The following TGFBI variants were observed in gnomAD, a reference collection of about 807,000 sequenced individuals.
The protein encoded by TGFBI is transforming growth factor-beta-induced protein ig-h3.
A neutral mutation model predicts 73.7 loss-of-function variants in TGFBI; 50 were observed. The ratio of observed to expected loss-of-function variants is 0.68; its 90% confidence interval spans 0.54 to 0.86. TGFBI has a LOEUF of 0.86. Among genes scored for constraint, TGFBI ranks in the 40% least tolerant of loss-of-function variants. The pLI is 0.00. For missense variants in TGFBI, 839 were observed against 877.0 expected (o/e 0.96, Z 0.55); for synonymous variants, 362 against 360.5 (o/e 1.00, Z -0.05).
At chr5:136,055,002 T>C in intron 10 of TGFBI, 141 bp downstream of exon 10, 2 of 1,030,954 alleles carry the variant, frequency 1.9e-6, no homozygotes, top group East Asian at 4.8e-5. Flanking sequence ...TTCTGGAAAA[T>C]ATAGATAACA....
chr5:136,054,677 G>A lies in TGFBI; in HGVS notation c.1265-39G>A, dbSNP rs144900214. The stretch of plus-strand genomic sequence containing the variant: ...TCTCATCACTCTCTTCATTGCAGGA[G>A]CACATCTCTCTGGACCTAACCATCA... On this transcript the variant is annotated intron_variant, in intron 9 of 16. Coordinates refer to ENST00000442011, the MANE Select transcript of TGFBI (RefSeq NM_000358.3). The A allele has an allele frequency of 6.6e-3, 10,628 of 1,613,280 alleles. 40 individuals are homozygous for A. The highest frequency in any genetic ancestry group is 7.8e-3 in the Non-Finnish European group (9,177 of 1,179,274).
At chr5:136,036,231 A>T (rs1397069764) in intron 2 of TGFBI, among the ~76,000 whole-genome samples, 1 of 152,134 alleles carries the variant, frequency 6.6e-6, no homozygotes, top group Non-Finnish European at 1.5e-5. Context: ...TGAGGTGGGG[A>T]GATGGGGTTC....
intron 2 of TGFBI, among the ~76,000 whole-genome samples, chr5:136,041,802 A>C (rs1257356715): frequency 6.6e-6 from 1 of 152,214 alleles, no homozygotes; most frequent in Non-Finnish European, 1.5e-5. Context: ...CCAATGAGTT[A>C]ATATTTGAGG....
At chr5:136,052,789 T>A in intron 7 of TGFBI, 118 bp from the exon 8 acceptor site, 1 of 1,000,936 alleles carries the variant, frequency 1.0e-6, no homozygotes, top group Non-Finnish European at 1.5e-6. Flanking sequence ...TGCCCCAGCC[T>A]CATCTGAGGG....
intron 16 of TGFBI, among the ~76,000 whole-genome samples, 169 bp from the exon 17 acceptor site, chr5:136,063,017 C>T (rs940751382): frequency 3.3e-5 from 5 of 152,152 alleles, no homozygotes; most frequent in South Asian, 2.1e-4. Context: ...ACCAGAACAT[C>T]GGGCCTTGAG....
chr5:136,041,973 C>T (rs78079489), intron 2 of TGFBI, among the ~76,000 whole-genome samples: 1,771 of 152,294 alleles, frequency 0.012, 30 homozygotes, highest in African/African-American at 0.04. Flanking sequence ...GTACTGCACC[C>T]GTGTGCACAG....
rs1018425770 is a variant in TGFBI at position 136,056,601 on chromosome 5, C to T, written c.1548-64C>T. ...GGTATTTAAGGAAAATACCTCTCAGCGTGGTGAGGTATTTAAGGAAAATAC... is the reference window on the plus strand; with the variant it reads ...GGTATTTAAGGAAAATACCTCTCAGTGTGGTGAGGTATTTAAGGAAAATAC... On this transcript the variant is annotated intron_variant, in intron 11 of 16. Transcript: ENST00000442011. 14 of 1,604,478 alleles carry T rather than the reference C, an allele frequency of 8.7e-6. No individual in the cohort carries two copies. In the East Asian group the frequency reaches 1.6e-4, roughly 18 times the overall value.
rs556797846 is a variant in TGFBI, at chr5:136,049,561, C to A, written c.894C>A (p.Gly298=). ...GTGAGACTTTGAACCGTATCCTGGG[C>A]GACCCAGAAGCCCTGAGAGGTGAGC... is the stretch of plus-strand genomic sequence containing the variant. ...IPSETLNRIL[G]DPEALRDLLN... is the part of the protein sequence containing the mutation. The change falls in exon 7 of 17, where the codon GGC becomes GGA. Residue 298 remains glycine (G), a synonymous_variant. Transcript: ENST00000442011. The A allele has an allele frequency of 1.2e-6, 2 of 1,613,672 alleles. No homozygotes were observed. Among genetic ancestry groups the A allele is most frequent in the Non-Finnish European group, 8.5e-7 (1 of 1,179,800 alleles).
intron 14 of TGFBI, 126 bp downstream of exon 14, chr5:136,061,062 C>G (rs1314701995): frequency 4.2e-6 from 3 of 717,058 alleles, no homozygotes; most frequent in Non-Finnish European, 6.7e-6. Flanking sequence ...TAAACTGTGC[C>G]TATGTGACTG....
intron 7 of TGFBI, among the ~76,000 whole-genome samples, chr5:136,052,073 G>C (rs868141652): frequency 2.6e-5 from 4 of 152,230 alleles, no homozygotes; most frequent in South Asian, 2.1e-4. Context: ...CTGGGGTTGG[G>C]GGGGGCTCCT....
At chr5:136,050,349 AAAC>A (rs1193074129) in intron 7 of TGFBI, among the ~76,000 whole-genome samples, 23 of 152,134 alleles carry the variant, frequency 1.5e-4, no homozygotes, top group African/African-American at 5.5e-4. Context: ...AAAAAAAAAA[AAAC>A]AGTTATAGTA....
intron 4 of TGFBI, 62 bp downstream of exon 4, chr5:136,046,557 G>C (rs1158268105): frequency 6.6e-7 from 1 of 1,509,540 alleles, no homozygotes; most frequent in Non-Finnish European, 8.9e-7. Flanking sequence ...TCCCCGAGGG[G>C]TGGGCATGAT....
chr5:136,054,890 TG>T, intron 10 of TGFBI, 29 bp downstream of exon 10: 1 of 1,608,676 alleles, frequency 6.2e-7, no homozygotes, highest in Admixed American at 1.7e-5. Flanking sequence ...ATCATGCTCC[TG>T]GGAAGCTCCT....
chr5:136,044,510 C>T (rs116316372), intron 3 of TGFBI, among the ~76,000 whole-genome samples: 7 of 152,334 alleles, frequency 4.6e-5, no homozygotes, highest in East Asian at 3.9e-4. Flanking sequence ...GCTAGAGAGC[C>T]GATGGGATGT....
Position 136,049,507 on chromosome 5 carries a change from G to C in TGFBI, c.840G>C (p.Pro280=). Residue 280 remains proline (P), a synonymous_variant, in exon 7 of 17, where the codon CCG becomes CCC. Transcript: ENST00000442011. The part of the protein sequence containing the change: ...EGNGQYTLLA[P]TNEAFEKIPS... ...ACGGCCAGTACACGCTTTTGGCCCCGACCAATGAGGCCTTCGAGAAGATCC... is the reference window on the plus strand; with the variant it reads ...ACGGCCAGTACACGCTTTTGGCCCCCACCAATGAGGCCTTCGAGAAGATCC... 6.2e-7 allele frequency: 1 copy of C among 1,613,948 alleles called. No homozygotes were observed. Among genetic ancestry groups the C allele is most frequent in the Non-Finnish European group, 8.5e-7 (1 of 1,179,878 alleles).
intron 3 of TGFBI, 78 bp from the exon 4 acceptor site, chr5:136,046,257 C>A: frequency 6.4e-7 from 1 of 1,553,794 alleles, no homozygotes. Flanking sequence ...ATGTACCGTG[C>A]TCTCTGTCAG....
At chr5:136,055,597 C>A (rs966516238) in intron 10 of TGFBI, 83 bp from the exon 11 acceptor site, 80 of 1,312,598 alleles carry the variant, frequency 6.1e-5, no homozygotes, top group Non-Finnish European at 7.9e-5. Context: ...GGATAATGAC[C>A]CTGCTACATG....
chr5:136,062,794 G>A, intron 16 of TGFBI, 107 bp downstream of exon 16: 4 of 1,258,094 alleles, frequency 3.2e-6, no homozygotes, highest in Non-Finnish European at 4.5e-6. Flanking sequence ...TCATGGTGCA[G>A]TAAAAGAAGC....
At chr5:136,059,361 A>G in intron 13 of TGFBI, 147 bp downstream of exon 13, 1 of 1,230,630 alleles carries the variant, frequency 8.1e-7, no homozygotes, top group Non-Finnish European at 1.1e-6. Flanking sequence ...GAAAAAGAGA[A>G]AAGAGAAGAG....
Sources: allele counts gnomAD v4.1 joint callset (sites outside exome capture counted in the v4.1 genomes callset), GRCh38; gene constraint gnomAD v4.1.1; transcripts MANE v1.5; gene names NCBI Gene and HGNC (gene_info 2026-07-23, HGNC 2026-07-21).